EBF2: variants seen among roughly 807,000 people sequenced by gnomAD.
EBF2 encodes the protein EBF transcription factor 2.
EBF2 carries 21 observed loss-of-function variants against 72.8 expected under a neutral mutation model. That is an observed-to-expected ratio of 0.29 (90% CI 0.20 to 0.42). The LOEUF (loss-of-function observed/expected upper bound fraction) is 0.42, where lower values mean the gene tolerates loss of function less well. Ranked by LOEUF, EBF2 falls within the 10% of genes least tolerant of loss-of-function variation. The pLI, the probability that EBF2 is intolerant of heterozygous loss-of-function variation, is 1.00. For synonymous variants in EBF2, 299 were observed against 274.2 expected (o/e 1.09, Z -0.89); for missense variants, 637 against 731.2 (o/e 0.87, Z 1.49).
At chr8:25,849,839 G>C (rs1160107866) in intron 15 of EBF2, among the ~76,000 whole-genome samples, 1 of 152,160 alleles carries the variant, frequency 6.6e-6, no homozygotes, top group Admixed American at 6.5e-5. Context: ...AATTTGACTT[G>C]CATGTAACCA....
At chr8:25,884,458 T>C (rs909547363) in intron 10 of EBF2, among the ~76,000 whole-genome samples, 1 of 152,192 alleles carries the variant, frequency 6.6e-6, no homozygotes, top group Non-Finnish European at 1.5e-5. Context: ...CTTCGCTCCA[T>C]GTCCCCTCTT....
chr8:26,038,745 G>A (rs981923005), intron 5 of EBF2, among the ~76,000 whole-genome samples: 3 of 152,156 alleles, frequency 2.0e-5, no homozygotes, highest in African/African-American at 7.2e-5. Flanking sequence ...AGCTACTCCA[G>A]CAAGGAAGCC....
chr8:25,850,541 C>G (rs1394304622), intron 15 of EBF2, 53 bp downstream of exon 15: 1 of 1,470,564 alleles, frequency 6.8e-7, no homozygotes, highest in African/African-American at 1.5e-5. Flanking sequence ...TTTGCTCTTA[C>G]TTTGCCAACC....
At chr8:25,877,436 GAAGC>G (rs1802541595) in intron 10 of EBF2, among the ~76,000 whole-genome samples, 1 of 152,192 alleles carries the variant, frequency 6.6e-6, no homozygotes, top group Non-Finnish European at 1.5e-5. Context: ...CAATTGCGCA[GAAGC>G]AAGTTGCACG....
chr8:26,014,969 T>G lies in EBF2; in HGVS notation c.551+18116A>C, dbSNP rs986926911. Among the ~76,000 whole-genome samples the G allele has an allele frequency of 7.9e-5, 12 of 152,282 alleles. No homozygotes were observed. The South Asian group carries it at 2.5e-3, about 32-fold the overall frequency. Reference sequence around the variant, plus strand: ...ATAACCCTACCTAATTATACTGATATAAAAACTAATTGGAAAGATAGCAAA... The same window carrying G: ...ATAACCCTACCTAATTATACTGATAGAAAAACTAATTGGAAAGATAGCAAA... On this transcript the variant is annotated intron_variant, in intron 6 of 15. Coordinates refer to ENST00000520164, the MANE Select transcript of EBF2 (RefSeq NM_022659.4).
At chr8:25,995,713 A>G (rs1804614398) in intron 6 of EBF2, among the ~76,000 whole-genome samples, 1 of 152,134 alleles carries the variant, frequency 6.6e-6, no homozygotes, top group Non-Finnish European at 1.5e-5. Context: ...GGATTATGAG[A>G]AAAACATAAA....
At chr8:26,020,400 A>C (rs1805185557) in intron 6 of EBF2, among the ~76,000 whole-genome samples, 1 of 152,234 alleles carries the variant, frequency 6.6e-6, no homozygotes, top group Admixed American at 6.5e-5. Context: ...GCCCAGAGTT[A>C]TAAATGGGAC....
At chr8:26,035,291 C>T (rs1343702780) in intron 5 of EBF2, among the ~76,000 whole-genome samples, 1 of 152,106 alleles carries the variant, frequency 6.6e-6, no homozygotes, top group Non-Finnish European at 1.5e-5. Flanking sequence ...ACAACAGGTG[C>T]ACACCACCAC....
At chr8:25,983,985 T>G (rs937066017) in intron 6 of EBF2, among the ~76,000 whole-genome samples, 2 of 152,200 alleles carry the variant, frequency 1.3e-5, no homozygotes, top group Non-Finnish European at 2.9e-5. Flanking sequence ...ATAGCAGCAT[T>G]CCCTCAACAT....
chr8:25,949,610 G>A (rs1267876050), intron 6 of EBF2, among the ~76,000 whole-genome samples: 2 of 152,030 alleles, frequency 1.3e-5, no homozygotes, highest in Non-Finnish European at 2.9e-5. Context: ...CCCTAAGAAG[G>A]GCAATAAAAG....
intron 15 of EBF2, among the ~76,000 whole-genome samples, chr8:25,845,347 C>A (rs184273160): frequency 0.012 from 1,798 of 152,210 alleles, 14 homozygotes; most frequent in Middle Eastern, 0.031. Context: ...CCTGCCTCAG[C>A]CTCTGCCTCC....
At chr8:26,042,317 C>A (rs949880921) in intron 1 of EBF2, 66 bp from the exon 2 acceptor site, 1 of 1,541,896 alleles carries the variant, frequency 6.5e-7, no homozygotes, top group African/African-American at 1.4e-5. Context: ...TGTTACTAAC[C>A]GCCCACAACA....
intron 5 of EBF2, among the ~76,000 whole-genome samples, chr8:26,037,118 T>C (rs1805515749): frequency 6.6e-6 from 1 of 152,202 alleles, no homozygotes; most frequent in African/African-American, 2.4e-5. Context: ...ACTCTCAATT[T>C]ATTCTCCCCA....
chr8:25,883,651 A>G (rs1020676005), intron 10 of EBF2, among the ~76,000 whole-genome samples: 1 of 152,140 alleles, frequency 6.6e-6, no homozygotes, highest in African/African-American at 2.4e-5. Context: ...ACACGTACAC[A>G]ACACCTGGTT....
At position 25,858,434 on chromosome 8, in the gene EBF2, A is replaced by G; in HGVS notation, c.1413T>C (p.Asn471=). ...TCATACTGTTGCTGGAGGTACTGTA[A>G]TTAGACTGTTGAGGCGTGGAGCTGG... ...YSSSSTPQQS[N]YSTSSNSMNG... The change falls in exon 14 of 16, where the codon AAT becomes AAC. Residue 471 remains asparagine (N), a synonymous_variant. Transcript: ENST00000520164. 1 of 1,614,118 alleles carries G rather than the reference A, an allele frequency of 6.2e-7. No homozygotes were observed.
At chr8:25,852,788 C>CT (rs1286998214) in intron 14 of EBF2, among the ~76,000 whole-genome samples, 1 of 152,166 alleles carries the variant, frequency 6.6e-6, no homozygotes, top group Non-Finnish European at 1.5e-5. Flanking sequence ...AATAAAAATG[C>CT]TGAAAGGAAT....
chr8:25,910,733 G>A (rs1367875379), intron 6 of EBF2, among the ~76,000 whole-genome samples: 2 of 152,194 alleles, frequency 1.3e-5, no homozygotes, highest in South Asian at 2.1e-4. Context: ...TGTCTGGGGG[G>A]CTGAATTTGT....
At chr8:26,041,950 T>G (rs1805608072) in intron 2 of EBF2, 145 bp downstream of exon 2, 2 of 1,253,178 alleles carry the variant, frequency 1.6e-6, no homozygotes, top group Non-Finnish European at 2.2e-6. Context: ...AATCGACTGA[T>G]TTAGAGGCTG....
Position 25,850,688 on chromosome 8 carries a change from A to C in EBF2, c.1602T>G (p.Pro534=), listed in dbSNP as rs201939309. 8 of 1,565,762 alleles carry C rather than the reference A, an allele frequency of 5.1e-6. No homozygotes were observed. In the East Asian group the frequency reaches 1.9e-4, roughly 37 times the overall value. ...CAAAGGCACTCTTCTGTTTGACAGC[A>C]GGAAAAACTGAAGAGGAAAATGGGA... ...SILPFSSSVF[P]AVKQKSAFAP... The change falls in exon 15 of 16, where the codon CCT becomes CCG. Residue 534 remains proline (P), a synonymous_variant. Coordinates refer to ENST00000520164, the MANE Select transcript of EBF2 (RefSeq NM_022659.4).
Sources: allele counts gnomAD v4.1 joint callset (sites outside exome capture counted in the v4.1 genomes callset), GRCh38; gene constraint gnomAD v4.1.1; transcripts MANE v1.5; gene names NCBI Gene and HGNC (gene_info 2026-07-23, HGNC 2026-07-21).